The following NPAS1 variants were observed in gnomAD, a reference collection of about 807,000 sequenced individuals.
NPAS1 encodes neuronal PAS domain-containing protein 1.
In NPAS1, 29 loss-of-function variants were observed where a neutral mutation model predicts 49.2. That is an observed-to-expected ratio of 0.59 (90% confidence interval 0.44 to 0.80). The LOEUF is 0.80. Ranked by LOEUF, NPAS1 falls within the 30% of genes least tolerant of loss-of-function variation. NPAS1 has a pLI of 0.00. For synonymous variants in NPAS1, 408 were observed against 380.4 expected (o/e 1.07, Z -0.84); for missense variants, 825 against 835.5 (o/e 0.99, Z 0.15).
rs2057064125 is a variant in NPAS1 at position 47,045,247 on chromosome 19, C to A, written c.1369C>A (p.Gln457Lys). Reference sequence around the variant, plus strand: ...TGCCCCAGCGGAGAACGAGGCCCCCCAGACCCAGGGCAAACGCATCAAAGT... The same window carrying A: ...TGCCCCAGCGGAGAACGAGGCCCCCAAGACCCAGGGCAAACGCATCAAAGT... ...QAAPAENEAP[Q>K]TQGKRIKVEP... Residue 457 changes from glutamine (Q) to lysine (K), a missense_variant, in exon 12 of 12, where the codon CAG becomes AAG. Physicochemically the swap from Gln to Lys is moderately conservative, Grantham distance 53. Transcript: ENST00000602212. 1.2e-6 allele frequency: 2 copies of A among 1,613,882 alleles called. No homozygotes were observed. The highest frequency in any genetic ancestry group is 3.3e-5 in the Admixed American group (2 of 60,004).
chr19:47,041,958 C>T (rs569049898), intron 10 of NPAS1, among the ~76,000 whole-genome samples: 4 of 138,498 alleles, frequency 2.9e-5, no homozygotes, highest in East Asian at 4.2e-4. Context: ...CCAGCCTGGG[C>T]GACAGAGTGA....
chr19:47,045,666 G>T lies in NPAS1; in HGVS notation c.*15G>T. On this transcript the variant is annotated 3_prime_UTR_variant, in exon 12 of 12. Transcript: ENST00000602212. ...AGGGGGACTGAGGACTGGCAGAGCT[G>T]CCGGCGCCGGACCCTGCGACAACCG... 1 of 1,407,596 alleles carries T rather than the reference G, an allele frequency of 7.1e-7. No homozygotes were observed. The highest frequency in any genetic ancestry group is 9.2e-7 in the Non-Finnish European group (1 of 1,090,102). 87.2% of individuals were successfully genotyped at this position (1,407,596 alleles called of 1,614,324 possible). A position where few individuals can be genotyped will look rare whatever the true frequency, so the allele number is the denominator to read the frequency against.
At chr19:47,039,619 G>T (rs2056997789) in intron 8 of NPAS1, 55 bp downstream of exon 8, 4 of 1,510,326 alleles carry the variant, frequency 2.6e-6, no homozygotes, top group Non-Finnish European at 3.6e-6. Context: ...GAGATCTGGG[G>T]GTACATGGGG....
At chr19:47,028,466 T>A (rs1462145192) in intron 3 of NPAS1, among the ~76,000 whole-genome samples, 1 of 151,872 alleles carries the variant, frequency 6.6e-6, no homozygotes, top group Non-Finnish European at 1.5e-5. Flanking sequence ...CGCCGCCTGG[T>A]GTTTTGATGG....
chr19:47,032,446 G>C (rs2056913134), intron 4 of NPAS1, 95 bp downstream of exon 4: 2 of 1,368,394 alleles, frequency 1.5e-6, no homozygotes, highest in Admixed American at 1.7e-5. Context: ...TCTATTGTGG[G>C]GGGTACCTGG....
Position 47,045,596 on chromosome 19 carries a change from T to C in NPAS1, c.1718T>C (p.Leu573Pro). The change falls in exon 12 of 12, where the codon CTG (leucine) becomes CCG (proline). Residue 573 changes from leucine (L) to proline (P), a missense_variant. Physicochemically the swap from Leu to Pro is moderately conservative, Grantham distance 98. Transcript: ENST00000602212. ...CTCCCGGAGGCCTTTTACCCGCCCCTGGGCCTGCCCTACCCGGGGCCCGCG... is the reference window on the plus strand; with the variant it reads ...CTCCCGGAGGCCTTTTACCCGCCCCCGGGCCTGCCCTACCCGGGGCCCGCG... ...PALPEAFYPP[L>P]GLPYPGPAGT... 6.8e-7 allele frequency: 1 copy of C among 1,473,078 alleles called. No individual in the cohort carries two copies. Among genetic ancestry groups the C allele is most frequent in the South Asian group, 1.3e-5 (1 of 75,084 alleles). The allele number at this position is 1,473,078 out of a possible 1,614,324, so 91.3% of individuals were successfully genotyped here.
chr19:47,035,767 A>C, intron 5 of NPAS1, 197 bp from the exon 6 acceptor site: 1 of 569,042 alleles, frequency 1.8e-6, no homozygotes, highest in East Asian at 3.1e-5. Flanking sequence ...ATCACTGGGT[A>C]TGAAGCGAGA....
chr19:47,033,319 C>T (rs967054114), intron 5 of NPAS1, among the ~76,000 whole-genome samples: 3 of 151,588 alleles, frequency 2.0e-5, no homozygotes, highest in African/African-American at 7.3e-5. Flanking sequence ...CAGCTCACTG[C>T]AACCTCTGCC....
chr19:47,032,602 C>A (rs774658676), intron 4 of NPAS1, 41 bp from the exon 5 acceptor site: 3 of 1,560,372 alleles, frequency 1.9e-6, no homozygotes, highest in South Asian at 1.1e-5. Flanking sequence ...AGAGGGACAC[C>A]GGGTCCTCTC....
chr19:47,041,296 G>A (rs529115155), intron 10 of NPAS1, among the ~76,000 whole-genome samples, 171 bp downstream of exon 10: 1 of 152,094 alleles, frequency 6.6e-6, no homozygotes, highest in Non-Finnish European at 1.5e-5. Flanking sequence ...AGAGTGGAAC[G>A]GTCTTGCTGG....
chr19:47,019,903 G>T lies in NPAS1; in HGVS notation c.-137G>T. 2.7e-6 allele frequency: 1 copy of T among 376,822 alleles called. No individual in the cohort carries two copies. Among genetic ancestry groups the T allele is most frequent in the Non-Finnish European group, 4.7e-6 (1 of 211,854 alleles). The allele number at this position is 376,822 out of a possible 1,614,324, so 23.3% of individuals were successfully genotyped here. On this transcript the variant is annotated 5_prime_UTR_variant, in exon 1 of 12. Transcript: ENST00000602212. Reference sequence around the variant, plus strand: ...TCCCGCTGCGCCCCGCGCGCCCCGGGGTCTATGGAGCTGCCCCTCCGCGCC... The same window carrying T: ...TCCCGCTGCGCCCCGCGCGCCCCGGTGTCTATGGAGCTGCCCCTCCGCGCC...
At chr19:47,040,421 C>T in intron 8 of NPAS1, 23 bp from the exon 9 acceptor site, 2 of 1,535,232 alleles carry the variant, frequency 1.3e-6, no homozygotes, top group Non-Finnish European at 1.8e-6. Flanking sequence ...TGGACTCCTC[C>T]CCTCTTCTCT....
chr19:47,041,130 G>A lies in NPAS1; in HGVS notation c.1217+5G>A. 1 of 1,573,882 alleles carries A rather than the reference G, an allele frequency of 6.4e-7. No individual in the cohort carries two copies. Among genetic ancestry groups the A allele is most frequent in the Non-Finnish European group, 8.6e-7 (1 of 1,166,592 alleles). On this transcript the variant is annotated splice_donor_5th_base_variant and intron_variant, in intron 10 of 11. Transcript: ENST00000602212. ...TTGGGTCAGCCACGTGCTCAGGTGA[G>A]GGCTGTGCCCACCCCTCCTGCAGGG...
chr19:47,042,441 G>A (rs2057031665), intron 10 of NPAS1, among the ~76,000 whole-genome samples: 1 of 152,220 alleles, frequency 6.6e-6, no homozygotes, highest in Non-Finnish European at 1.5e-5. Flanking sequence ...TGGGGGAGGA[G>A]GGGAGGAGAC....
intron 3 of NPAS1, among the ~76,000 whole-genome samples, chr19:47,029,649 C>T (rs1037061111): frequency 2.6e-5 from 4 of 152,150 alleles, no homozygotes; most frequent in African/African-American, 9.7e-5. Flanking sequence ...GATCCACCCA[C>T]CTCCGCCTCC....
Position 47,019,973 on chromosome 19 carries a change from A to G in NPAS1, c.-67A>G, listed in dbSNP as rs1450406916. On this transcript the variant is annotated 5_prime_UTR_variant, in exon 1 of 12. Transcript: ENST00000602212. ...GCGCCCGGAGCCTGCTCTGCGGCCA[A>G]GTAATCGGACTGGCGGTCCTGCGGG... The G allele has an allele frequency of 1.0e-5, 4 of 389,478 alleles. No individual in the cohort carries two copies. The highest frequency in any genetic ancestry group is 7.4e-5 in the East Asian group (2 of 27,198). 24.1% of individuals were successfully genotyped at this position (389,478 alleles called of 1,614,324 possible). A position where few individuals can be genotyped will look rare whatever the true frequency, so the allele number is the denominator to read the frequency against.
intron 3 of NPAS1, among the ~76,000 whole-genome samples, chr19:47,028,914 C>A (rs889431353): frequency 2.0e-5 from 3 of 152,148 alleles, no homozygotes; most frequent in African/African-American, 7.2e-5. Flanking sequence ...ACCCCCAGCA[C>A]AAGGTCCAGG....
chr19:47,021,736 G>A lies in NPAS1; in HGVS notation c.247G>A (p.Asp83Asn). The change falls in exon 3 of 12, where the codon GAC becomes AAC. Residue 83 changes from aspartate (D) to asparagine (N), a missense_variant. Transcript: ENST00000602212. The surrounding 1 kb of genome is among the most constrained non-coding windows in gnomAD (Gnocchi z 5.7). Reference sequence around the variant, plus strand: ...GCCCGGCGCCATCTCCAGCCAGCTGGACAAGGCTTCCATCGTGCGCCTCAG... The same window carrying A: ...GCCCGGCGCCATCTCCAGCCAGCTGAACAAGGCTTCCATCGTGCGCCTCAG... ...PLPGAISSQLDKASIVRLSVT... is the reference protein window; with the variant it reads ...PLPGAISSQLNKASIVRLSVT... The A allele has an allele frequency of 6.5e-7, 1 of 1,548,462 alleles. No homozygotes were observed. The highest frequency in any genetic ancestry group is 8.7e-7 in the Non-Finnish European group (1 of 1,147,200).
chr19:47,043,355 C>T (rs944046723), intron 11 of NPAS1, among the ~76,000 whole-genome samples: 2 of 149,808 alleles, frequency 1.3e-5, no homozygotes, highest in African/African-American at 2.5e-5. Context: ...TTTGGGAGGC[C>T]GAGGCAGGCA....
Sources: allele counts gnomAD v4.1 joint callset (sites outside exome capture counted in the v4.1 genomes callset), GRCh38; gene constraint gnomAD v4.1.1; non-coding constraint Gnocchi (gnomAD v3.1); transcripts MANE v1.5; gene names NCBI Gene and HGNC (gene_info 2026-07-23, HGNC 2026-07-21).